The following MAGI1 variants were observed in gnomAD, a reference collection of about 807,000 sequenced individuals.
The protein encoded by MAGI1 is membrane associated guanylate kinase, WW and PDZ domain containing 1, also known as membrane-associated guanylate kinase, WW and PDZ domain-containing protein 1.
Under a neutral mutation model 139.9 loss-of-function variants are expected in MAGI1, and 58 were observed. The ratio of observed to expected loss-of-function variants is 0.41; its 90% confidence interval spans 0.34 to 0.52. MAGI1 has a LOEUF of 0.52. Ranked by LOEUF, MAGI1 falls within the 20% of genes least tolerant of loss-of-function variation. The pLI is 0.12. For synonymous variants in MAGI1, 812 were observed against 737.9 expected (o/e 1.10, Z -1.63); for missense variants, 1,874 against 1,901.6 (o/e 0.99, Z 0.27).
intron 2 of MAGI1, among the ~76,000 whole-genome samples, chr3:65,496,796 A>C (rs1235364822): frequency 6.6e-6 from 1 of 152,230 alleles, no homozygotes; most frequent in Non-Finnish European, 1.5e-5. Context: ...TGTCATAGGT[A>C]AGTATCCTAG....
At chr3:65,375,994 G>T in intron 17 of MAGI1, 49 bp from the exon 18 acceptor site, 1 of 1,395,150 alleles carries the variant, frequency 7.2e-7, no homozygotes, top group Non-Finnish European at 1.0e-6. Flanking sequence ...TGGGAATATA[G>T]CAAAGGGAAG....
chr3:65,557,298 G>A (rs537115935), intron 2 of MAGI1, among the ~76,000 whole-genome samples: 5 of 152,292 alleles, frequency 3.3e-5, no homozygotes, highest in East Asian at 3.9e-4. Context: ...CACTTTAGGC[G>A]AAGCCTGCTA....
At chr3:65,404,743 C>A (rs1175357414) in intron 12 of MAGI1, among the ~76,000 whole-genome samples, 5 of 152,182 alleles carry the variant, frequency 3.3e-5, no homozygotes, top group Non-Finnish European at 7.3e-5. Context: ...AAGGTCACTG[C>A]TTGCCAAGAC....
chr3:65,449,465 G>A (rs1449628781), intron 6 of MAGI1, among the ~76,000 whole-genome samples: 1 of 152,054 alleles, frequency 6.6e-6, no homozygotes, highest in Non-Finnish European at 1.5e-5. Context: ...ACTGTGCTAG[G>A]TGACATATCA....
At chr3:65,388,912 G>T (rs1317769006) in intron 14 of MAGI1, among the ~76,000 whole-genome samples, 2 of 128,628 alleles carry the variant, frequency 1.6e-5, no homozygotes, top group Non-Finnish European at 1.5e-5. Flanking sequence ...GCATGATCTC[G>T]GCTCACTGCA....
chr3:65,763,919 A>T (rs1268794135), intron 1 of MAGI1, among the ~76,000 whole-genome samples: 2 of 151,668 alleles, frequency 1.3e-5, no homozygotes, highest in Non-Finnish European at 2.9e-5. Context: ...AATAAATAAA[A>T]AAATTAGCCA....
At chr3:65,858,409 G>A (rs1196980729) in intron 1 of MAGI1, among the ~76,000 whole-genome samples, 6 of 152,154 alleles carry the variant, frequency 3.9e-5, no homozygotes, top group Admixed American at 1.3e-4. Flanking sequence ...ACATCAATGG[G>A]TCTCTGCTGC....
At chr3:65,820,466 C>A (rs965913216) in intron 1 of MAGI1, among the ~76,000 whole-genome samples, 1 of 152,138 alleles carries the variant, frequency 6.6e-6, no homozygotes, top group Non-Finnish European at 1.5e-5. Flanking sequence ...GCATAGGGAT[C>A]TCTTTTAAGT....
rs139121473 is a variant in MAGI1 at position 65,926,067 on chromosome 3, T to C, written c.313+111929A>G. Reference sequence around the variant, plus strand: ...ATAAGTAAACTGAGGTGGCAAGTACTAAGTACCTTACTCAAGATCACACAA... The same window carrying C: ...ATAAGTAAACTGAGGTGGCAAGTACCAAGTACCTTACTCAAGATCACACAA... On this transcript the variant is annotated intron_variant, in intron 1 of 22. Coordinates refer to ENST00000402939, the MANE Select transcript of MAGI1 (RefSeq NM_001033057.2). 1.5e-3 allele frequency among the ~76,000 whole-genome samples: 229 copies of C among 152,334 alleles called. 1 individual carries two copies. The highest frequency in any genetic ancestry group is 2.7e-3 in the Non-Finnish European group (187 of 68,028).
chr3:65,384,497 T>C (rs1943292397), intron 14 of MAGI1, among the ~76,000 whole-genome samples: 1 of 152,156 alleles, frequency 6.6e-6, no homozygotes, highest in Admixed American at 6.5e-5. Flanking sequence ...CCCAGCACTT[T>C]GGGAGGCCAA....
chr3:65,727,427 G>C (rs1360120017), intron 1 of MAGI1, among the ~76,000 whole-genome samples: 2 of 152,124 alleles, frequency 1.3e-5, no homozygotes, highest in Non-Finnish European at 2.9e-5. Flanking sequence ...GTGGGGTCTT[G>C]CTATATTGCT....
rs531794354 is a variant in MAGI1, at chr3:65,987,484, G to T, written c.313+50512C>A. 2.6e-4 allele frequency among the ~76,000 whole-genome samples: 39 copies of T among 152,306 alleles called. 1 individual carries two copies. The South Asian group carries it at 8.1e-3, about 32-fold the overall frequency. On this transcript the variant is annotated intron_variant, in intron 1 of 22. Transcript: ENST00000402939. ...GTGGGAGGCCAGGGTAGGAACTAGG[G>T]TGAGGCAGGCGAGCCACTTACCTTG...
At chr3:65,769,652 T>C (rs1287378643) in intron 1 of MAGI1, among the ~76,000 whole-genome samples, 1 of 152,154 alleles carries the variant, frequency 6.6e-6, no homozygotes, top group Admixed American at 6.6e-5. Flanking sequence ...GAAGATACTT[T>C]ATGGAGCACC....
intron 1 of MAGI1, among the ~76,000 whole-genome samples, chr3:65,837,480 TA>T (rs1239853953): frequency 6.6e-6 from 1 of 152,120 alleles, no homozygotes; most frequent in Non-Finnish European, 1.5e-5. Context: ...AGATGACCAT[TA>T]TATCTGTCCA....
chr3:65,962,847 A>T (rs2064513372), intron 1 of MAGI1, among the ~76,000 whole-genome samples: 1 of 149,028 alleles, frequency 6.7e-6, no homozygotes, highest in Admixed American at 6.7e-5. Context: ...AAAAAAAAAA[A>T]GAAGCAGAAG....
chr3:65,687,903 G>A (rs1475260277), intron 1 of MAGI1: 2 of 657,448 alleles, frequency 3.0e-6, no homozygotes, highest in African/African-American at 1.8e-5. Flanking sequence ...ATTGCAGGGT[G>A]CCTTAGCAGC....
intron 1 of MAGI1, among the ~76,000 whole-genome samples, chr3:65,760,364 C>T (rs1028966308): frequency 6.7e-5 from 10 of 149,408 alleles, no homozygotes; most frequent in Non-Finnish European, 1.3e-4. Flanking sequence ...CAAGGTCACA[C>T]GGCAAGGAAG....
At chr3:65,364,599 A>G (rs1941227930) in intron 20 of MAGI1, 66 bp downstream of exon 20, 5 of 1,406,998 alleles carry the variant, frequency 3.6e-6, no homozygotes, top group Non-Finnish European at 5.0e-6. Flanking sequence ...ATATCCCATA[A>G]AAGTAGCTTG....
intron 2 of MAGI1, among the ~76,000 whole-genome samples, chr3:65,533,618 G>A (rs2078816514): frequency 6.6e-6 from 1 of 152,134 alleles, no homozygotes; most frequent in Admixed American, 6.5e-5. Context: ...AGAATTCAAA[G>A]ACTTTCACTA....
Sources: allele counts gnomAD v4.1 joint callset (sites outside exome capture counted in the v4.1 genomes callset), GRCh38; gene constraint gnomAD v4.1.1; transcripts MANE v1.5; gene names NCBI Gene and HGNC (gene_info 2026-07-23, HGNC 2026-07-21).